ARNT: variants seen among roughly 807,000 people sequenced by gnomAD.
The protein encoded by ARNT is aryl hydrocarbon receptor nuclear translocator.
Under a neutral mutation model 105.0 loss-of-function variants are expected in ARNT, and 30 were observed. The observed-to-expected ratio is 0.29, with a 90% CI of 0.21 to 0.39. The LOEUF is 0.39. ARNT is among the 10% of genes least tolerant of loss of function. The pLI is 1.00. For missense variants in ARNT, 748 were observed against 978.7 expected (o/e 0.76, Z 3.15); for synonymous variants, 304 against 344.0 (o/e 0.88, Z 1.29).
chr1:150,870,548 C>A (rs1667265320), intron 1 of ARNT, among the ~76,000 whole-genome samples: 1 of 152,054 alleles, frequency 6.6e-6, no homozygotes, highest in South Asian at 2.1e-4. Context: ...CTCCTAGTCA[C>A]CCAGACAGGA....
At position 150,811,704 on chromosome 1, in the gene ARNT, A is replaced by T. The variant is rs1654763331; in HGVS notation, c.*317T>A. 4.0e-6 allele frequency: 1 copy of T among 250,930 alleles called. No homozygotes were observed. Among genetic ancestry groups the T allele is most frequent in the African/African-American group, 2.2e-5 (1 of 45,890 alleles). The allele number at this position is 250,930 out of a possible 1,614,324, so 15.5% of individuals were successfully genotyped here. A position where few individuals can be genotyped will look rare whatever the true frequency, so the allele number is the denominator to read the frequency against. ...CAAACAGTGGATGTCAGGTTCTTCT[A>T]ACCTGCCTCTTGATCTCAGCACAAA... is the stretch of plus-strand genomic sequence containing the variant. On this transcript the variant is annotated 3_prime_UTR_variant, in exon 22 of 22. Transcript: ENST00000358595.
Position 150,876,532 on chromosome 1 carries a change from C to G in ARNT, c.25+11G>C. The G allele has an allele frequency of 6.4e-7, 1 of 1,551,226 alleles. No homozygotes were observed. Among genetic ancestry groups the G allele is most frequent in the Non-Finnish European group, 8.7e-7 (1 of 1,147,924 alleles). ...CCCCTTTAGAGGCGCCCCAGTCCTC[C>G]GTCTCCTCACCGGGGTTGGCAGTAG... On this transcript the variant is annotated intron_variant, in intron 1 of 21. Transcript: ENST00000358595.
intron 1 of ARNT, among the ~76,000 whole-genome samples, chr1:150,860,310 G>A (rs1295449274): frequency 2.0e-5 from 3 of 146,998 alleles, no homozygotes; most frequent in Non-Finnish European, 4.5e-5. Flanking sequence ...CCAACTCTCG[G>A]GTTCAAGTGA....
Position 150,829,136 on chromosome 1 carries a change from A to G in ARNT, c.1124T>C (p.Phe375Ser). 6.2e-7 allele frequency: 1 copy of G among 1,614,226 alleles called. No homozygotes were observed. The highest frequency in any genetic ancestry group is 8.5e-7 in the Non-Finnish European group (1 of 1,180,034). Residue 375 changes from phenylalanine (F) to serine (S), a missense_variant, in exon 12 of 22, where the codon TTT (phenylalanine) becomes TCT (serine). Physicochemically the swap from Phe to Ser is radical, Grantham distance 155 (BLOSUM62 -2). Coordinates refer to ENST00000358595, the MANE Select transcript of ARNT (RefSeq NM_001668.4). ...SRHNIEGIFT[F>S]VDHRCVATVG... ...AGTAGCCACACAGCGGTGATCCACA[A>G]AAGTGAAGATACCCTCAATGTTGTG...
chr1:150,849,651 T>TA (rs1413955883), intron 3 of ARNT, among the ~76,000 whole-genome samples: 1 of 152,006 alleles, frequency 6.6e-6, no homozygotes, highest in Non-Finnish European at 1.5e-5. Context: ...TAGACCCAGC[T>TA]ACTTGGGAGA....
intron 1 of ARNT, among the ~76,000 whole-genome samples, chr1:150,865,763 T>C (rs1197561242): frequency 6.6e-6 from 1 of 152,226 alleles, no homozygotes; most frequent in Non-Finnish European, 1.5e-5. Context: ...TTTTCTTCTG[T>C]GTTATACTGC....
rs1655854667 is a variant in ARNT at position 150,816,255 on chromosome 1, T to C, written c.1950+4A>G. ...ACAGGGAACACACAGATGATAAGTT[T>C]TACCTGGGCAGAAAAGCCTGAGCGG... On this transcript the variant is annotated splice_donor_region_variant and intron_variant, in intron 19 of 21. Coordinates refer to ENST00000358595, the MANE Select transcript of ARNT (RefSeq NM_001668.4). 6 of 1,598,922 alleles carry C rather than the reference T, an allele frequency of 3.8e-6. No homozygotes were observed. Among genetic ancestry groups the C allele is most frequent in the Non-Finnish European group, 5.1e-6 (6 of 1,175,656 alleles).
Position 150,821,521 on chromosome 1 carries a change from C to T in ARNT, c.1394+1673G>A, listed in dbSNP as rs587681673. Among the ~76,000 whole-genome samples the T allele has an allele frequency of 1.6e-3, 241 of 152,344 alleles. 1 individual carries two copies. The highest frequency in any genetic ancestry group is 2.9e-3 in the Non-Finnish European group (194 of 68,034). On this transcript the variant is annotated intron_variant, in intron 14 of 21. Transcript: ENST00000358595. ...TGGCTACCAAATTATTACAACAGTA[C>T]AGTATATACTATAGTTAACTTTACG...
rs587637003 is a variant in ARNT at position 150,871,675 on chromosome 1, C to G, written c.25+4868G>C. Among the ~76,000 whole-genome samples, 419 of 143,876 alleles carry G rather than the reference C, an allele frequency of 2.9e-3. 2 individuals are homozygous for G. The highest frequency in any genetic ancestry group is 0.01 in the African/African-American group (398 of 38,952). The allele number at this position is 143,876 out of a possible 152,430, so 94.4% of individuals were successfully genotyped here. A position where few individuals can be genotyped will look rare whatever the true frequency, so the allele number is the denominator to read the frequency against. On this transcript the variant is annotated intron_variant, in intron 1 of 21. Coordinates refer to ENST00000358595, the MANE Select transcript of ARNT (RefSeq NM_001668.4). ...CTGTAATCCCAGCACTTTGGGAGGC[C>G]AAGGTGGGCGGATCACCTGAGGTGA...
chr1:150,809,788 A>G lies in ARNT; in HGVS notation c.*2233T>C, dbSNP rs780440044. The G allele has an allele frequency of 3.6e-5, 8 of 219,916 alleles. No individual in the cohort carries two copies. Among genetic ancestry groups the G allele is most frequent in the Non-Finnish European group, 7.3e-5 (8 of 109,566 alleles). The allele number at this position is 219,916 out of a possible 1,614,324, so 13.6% of individuals were successfully genotyped here. ...TCCAGATGTGCCCTAGTGGTTTTCA[A>G]GTCCCGACTCTTCCCCTCTCTCCCA... On this transcript the variant is annotated 3_prime_UTR_variant, in exon 22 of 22. Coordinates refer to ENST00000358595, the MANE Select transcript of ARNT (RefSeq NM_001668.4).
At chr1:150,841,914 G>C (rs1661363820) in intron 5 of ARNT, among the ~76,000 whole-genome samples, 1 of 152,158 alleles carries the variant, frequency 6.6e-6, no homozygotes, top group Admixed American at 6.5e-5. Flanking sequence ...ACTACCGCAA[G>C]AAAGGATTCG....
intron 2 of ARNT, 31 bp from the exon 3 acceptor site, chr1:150,852,837 C>T (rs1321817061): frequency 6.2e-7 from 1 of 1,613,298 alleles, no homozygotes; most frequent in East Asian, 2.2e-5. Flanking sequence ...ATACTTTAAG[C>T]CTGCTGATAA....
At chr1:150,814,723 A>G (rs1010999377) in intron 19 of ARNT, among the ~76,000 whole-genome samples, 2 of 152,128 alleles carry the variant, frequency 1.3e-5, no homozygotes, top group Non-Finnish European at 2.9e-5. Flanking sequence ...CGTGCCTGTA[A>G]TCCCAGCAAC....
intron 20 of ARNT, among the ~76,000 whole-genome samples, 183 bp downstream of exon 20, chr1:150,813,894 G>A (rs1443737088): frequency 6.6e-6 from 1 of 152,116 alleles, no homozygotes; most frequent in Non-Finnish European, 1.5e-5. Context: ...CCAAAGTGCT[G>A]GTATTACAGG....
At chr1:150,863,373 T>C (rs1408160618) in intron 1 of ARNT, among the ~76,000 whole-genome samples, 5 of 140,668 alleles carry the variant, frequency 3.6e-5, no homozygotes, top group Non-Finnish European at 6.2e-5. Flanking sequence ...AAAAAAAGAG[T>C]GCCAGGTAAA....
At chr1:150,849,837 G>A (rs1466770409) in intron 3 of ARNT, among the ~76,000 whole-genome samples, 1 of 152,146 alleles carries the variant, frequency 6.6e-6, no homozygotes, top group East Asian at 1.9e-4. Flanking sequence ...AGCTGAGGCA[G>A]GTGGACCACT....
intron 1 of ARNT, among the ~76,000 whole-genome samples, chr1:150,859,590 CA>C (rs1665243577): frequency 6.6e-6 from 1 of 151,918 alleles, no homozygotes; most frequent in Admixed American, 6.6e-5. Flanking sequence ...CTCCTGAGCT[CA>C]AGCAATACTC....
chr1:150,817,829 A>T, intron 15 of ARNT, 91 bp downstream of exon 15: 2 of 1,130,642 alleles, frequency 1.8e-6, no homozygotes, highest in Admixed American at 2.7e-5. Context: ...AAAAAAAAAA[A>T]AATTAACCAA....
At position 150,811,455 on chromosome 1, in the gene ARNT, T is replaced by TGCGC. The variant is rs1404154940; in HGVS notation, c.*562_*565dup. The TGCGC allele has an allele frequency of 4.3e-5, 5 of 117,248 alleles. No homozygotes were observed. Among genetic ancestry groups the TGCGC allele is most frequent in the East Asian group, 2.6e-4 (3 of 11,630 alleles). 7.3% of individuals were successfully genotyped at this position (117,248 alleles called of 1,614,324 possible). ...AAAGAGTGAAATACAGAAGCATGTGTGCGCACACACACACACACACACATA... is the reference window on the plus strand; with the variant it reads ...AAAGAGTGAAATACAGAAGCATGTGTGCGCGCGCACACACACACACACACACATA... On this transcript the variant is annotated 3_prime_UTR_variant, in exon 22 of 22. Coordinates refer to ENST00000358595, the MANE Select transcript of ARNT (RefSeq NM_001668.4).
Sources: allele counts gnomAD v4.1 joint callset (sites outside exome capture counted in the v4.1 genomes callset), GRCh38; gene constraint gnomAD v4.1.1; transcripts MANE v1.5; gene names NCBI Gene and HGNC (gene_info 2026-07-23, HGNC 2026-07-21).